The following NCKAP1 variants were observed in gnomAD, a reference collection of about 807,000 sequenced individuals.
NCKAP1 encodes NCK associated protein 1.
Under a neutral mutation model 151.2 loss-of-function variants are expected in NCKAP1, and 21 were observed. That is an observed-to-expected ratio of 0.14 (90% CI 0.10 to 0.20). NCKAP1 has a LOEUF of 0.20. Among genes scored for constraint, NCKAP1 ranks in the 10% least tolerant of loss-of-function variants. The pLI is 1.00. For missense variants in NCKAP1, 933 were observed against 1,352.1 expected (o/e 0.69, Z 4.86); for synonymous variants, 484 against 451.8 (o/e 1.07, Z -0.90).
intron 2 of NCKAP1, among the ~76,000 whole-genome samples, chr2:183,017,534 C>G (rs2105889329): frequency 6.6e-6 from 1 of 152,080 alleles, no homozygotes; most frequent in African/African-American, 2.4e-5. Context: ...AGAGCTCAGG[C>G]AGTAATGTGA....
chr2:182,998,849 AAAAAAAAAG>A (rs1341723119), intron 6 of NCKAP1, among the ~76,000 whole-genome samples: 2 of 147,556 alleles, frequency 1.4e-5, no homozygotes, highest in African/African-American at 2.5e-5. Flanking sequence ...AAAAAAAAAA[AAAAAAAAAG>A]GGGGGAAGGA....
chr2:182,995,633 C>G, intron 7 of NCKAP1, 68 bp downstream of exon 7: 2 of 1,422,590 alleles, frequency 1.4e-6, no homozygotes, highest in Non-Finnish European at 1.9e-6. Flanking sequence ...ACAGCAACAG[C>G]ATTACTGAAC....
intron 15 of NCKAP1, among the ~76,000 whole-genome samples, chr2:182,970,450 C>CATGA (rs138856383): frequency 0.1 from 15,414 of 152,128 alleles, 931 homozygotes; most frequent in Non-Finnish European, 0.14. Flanking sequence ...AACATATGCA[C>CATGA]ATAAGGACAA....
rs532266438 is a variant in NCKAP1, at chr2:182,981,384, A to T, written c.1209-8T>A. 1 of 1,591,050 alleles carries T rather than the reference A, an allele frequency of 6.3e-7. No individual in the cohort carries two copies. The highest frequency in any genetic ancestry group is 8.6e-7 in the Non-Finnish European group (1 of 1,161,624). ...ATTAATTCAGCAATGTGCCTTTTTT[A>T]AAATTTCAAGAAAAATATTCAAATA... On this transcript the variant is annotated splice_polypyrimidine_tract_variant and splice_region_variant and intron_variant, in intron 12 of 30. Coordinates refer to ENST00000361354, the MANE Select transcript of NCKAP1 (RefSeq NM_013436.5).
At chr2:183,032,774 C>T (rs990486592) in intron 1 of NCKAP1, among the ~76,000 whole-genome samples, 1 of 152,106 alleles carries the variant, frequency 6.6e-6, no homozygotes, top group Admixed American at 6.6e-5. Context: ...CAGCCAGGTG[C>T]GGTAGCTTAC....
At chr2:182,987,691 T>G (rs1173870209) in intron 9 of NCKAP1, among the ~76,000 whole-genome samples, 1 of 152,224 alleles carries the variant, frequency 6.6e-6, no homozygotes, top group Non-Finnish European at 1.5e-5. Flanking sequence ...AAAAGTTTCA[T>G]GATTTTCAAT....
In NCKAP1 at chr2:182,981,394, G is replaced by GAA. The variant is rs756737222; in HGVS notation, c.1209-20_1209-19dup. 1 of 1,548,664 alleles carries GAA rather than the reference G, an allele frequency of 6.5e-7. No homozygotes were observed. The highest frequency in any genetic ancestry group is 8.9e-7 in the Non-Finnish European group (1 of 1,126,394). ...CAATGTGCCTTTTTTAAAATTTCAA[G>GAA]AAAAATATTCAAATAATAAATTCAT... is the stretch of plus-strand genomic sequence containing the variant. On this transcript the variant is annotated intron_variant, in intron 12 of 30. Transcript: ENST00000361354.
At chr2:182,926,981 A>C (rs555166247) in intron 29 of NCKAP1, 76 bp from the exon 30 acceptor site, 1 of 939,122 alleles carries the variant, frequency 1.1e-6, no homozygotes, top group South Asian at 1.5e-5. Context: ...GTATGTTTCA[A>C]CTTCCAACAC....
chr2:183,009,959 G>C (rs1575063466), intron 2 of NCKAP1, among the ~76,000 whole-genome samples: 1 of 152,120 alleles, frequency 6.6e-6, no homozygotes, highest in African/African-American at 2.4e-5. Flanking sequence ...CAATTACACA[G>C]ACTTAAACTT....
chr2:182,996,356 C>T (rs940886355), intron 6 of NCKAP1, among the ~76,000 whole-genome samples: 3 of 152,214 alleles, frequency 2.0e-5, no homozygotes, highest in Non-Finnish European at 4.4e-5. Context: ...TTGATTACAG[C>T]TTTATTATCA....
chr2:182,948,280 A>G (rs1176783770), intron 23 of NCKAP1, among the ~76,000 whole-genome samples: 1 of 152,066 alleles, frequency 6.6e-6, no homozygotes, highest in Non-Finnish European at 1.5e-5. Context: ...ATGAAAAGTC[A>G]AGTAAGAAAA....
At chr2:182,967,960 A>G (rs910729615) in intron 15 of NCKAP1, among the ~76,000 whole-genome samples, 6 of 152,204 alleles carry the variant, frequency 3.9e-5, no homozygotes, top group African/African-American at 1.4e-4. Flanking sequence ...AAAGCAGATC[A>G]TGTCCATGGA....
In NCKAP1 at chr2:182,913,476, C is replaced by T. The variant is rs1696425509; in HGVS notation, c.*12226G>A. The T allele has an allele frequency of 1.3e-5, 2 of 152,538 alleles. No individual in the cohort carries two copies. The allele number at this position is 152,538 out of a possible 1,614,324, so 9.4% of individuals were successfully genotyped here. A position where few individuals can be genotyped will look rare whatever the true frequency, so the allele number is the denominator to read the frequency against. Reference sequence around the variant, plus strand: ...CTGTTATAAAAGTCAGTTTGGCTCTCTCTGGTGAATCCCACCCCCACACCA... The same window carrying T: ...CTGTTATAAAAGTCAGTTTGGCTCTTTCTGGTGAATCCCACCCCCACACCA... On this transcript the variant is annotated 3_prime_UTR_variant, in exon 31 of 31. Transcript: ENST00000361354.
At chr2:182,930,931 TACTGAACA>T in intron 26 of NCKAP1, 143 bp from the exon 27 acceptor site, 1 of 656,700 alleles carries the variant, frequency 1.5e-6, no homozygotes, top group South Asian at 2.0e-5. Context: ...AAACTAAGTA[TACTGAACA>T]ACTGATTCAA....
intron 14 of NCKAP1, among the ~76,000 whole-genome samples, chr2:182,977,355 T>A (rs566703982): frequency 6.6e-6 from 1 of 152,142 alleles, no homozygotes; most frequent in African/African-American, 2.4e-5. Context: ...CTGGGTGTGG[T>A]GGTGCGTGCC....
At chr2:182,987,889 G>C (rs1012900903) in intron 9 of NCKAP1, among the ~76,000 whole-genome samples, 1 of 152,104 alleles carries the variant, frequency 6.6e-6, no homozygotes, top group South Asian at 2.1e-4. Context: ...AGTGGGGGGG[G>C]AGTGGGGACT....
At chr2:182,966,070 T>C (rs1697563576) in intron 16 of NCKAP1, among the ~76,000 whole-genome samples, 1 of 152,164 alleles carries the variant, frequency 6.6e-6, no homozygotes, top group South Asian at 2.1e-4. Context: ...CCAAAATAAA[T>C]GCAGTGAGAA....
At chr2:182,966,555 GGATTATAGGCGTGAGCCACCGCGCCT>G (rs1396956396) in intron 16 of NCKAP1, among the ~76,000 whole-genome samples, 1 of 152,068 alleles carries the variant, frequency 6.6e-6, no homozygotes, top group Non-Finnish European at 1.5e-5. Context: ...CCAAGTGTTG[GGATTATAGGCGTGAGCCACCGCGCCT>G]GGCCACCACA....
At chr2:183,015,315 A>G (rs374509973) in intron 2 of NCKAP1, among the ~76,000 whole-genome samples, 1 of 152,172 alleles carries the variant, frequency 6.6e-6, no homozygotes, top group Non-Finnish European at 1.5e-5. Context: ...CAAATTCTAT[A>G]TGCAACTTTA....
Sources: gnomAD v4.1 joint callset for allele counts (sites outside exome capture counted in the v4.1 genomes callset) on GRCh38, gnomAD v4.1.1 for gene constraint, MANE v1.5 for transcripts, NCBI Gene and HGNC (gene_info 2026-07-23, HGNC 2026-07-21) for gene names.